The following ISOC2 variants were observed in gnomAD, a reference collection of about 807,000 sequenced individuals.
The protein encoded by ISOC2 is isochorismatase domain-containing protein 2.
In ISOC2, 15 loss-of-function variants were observed where a neutral mutation model predicts 19.3. That is an observed-to-expected ratio of 0.78 (90% CI 0.52 to 1.20). ISOC2 has a LOEUF of 1.20. Among genes scored for constraint, ISOC2 ranks in the 50% most tolerant of loss-of-function variants. The probability of loss-of-function intolerance (pLI) is 0.00; values close to 1 mark genes in which losing one functional copy is unlikely to be tolerated. For missense variants in ISOC2, 285 were observed against 272.4 expected (o/e 1.05, Z -0.33); for synonymous variants, 106 against 115.8 (o/e 0.92, Z 0.54).
intron 1 of ISOC2, among the ~76,000 whole-genome samples, chr19:55,460,391 G>T (rs1380563907): frequency 2.6e-5 from 4 of 152,206 alleles, no homozygotes; most frequent in African/African-American, 7.2e-5. Flanking sequence ...AGCAAGAAAC[G>T]GGAGACTCAG....
At chr19:55,460,353 T>C (rs1278079813) in intron 1 of ISOC2, among the ~76,000 whole-genome samples, 1 of 152,236 alleles carries the variant, frequency 6.6e-6, no homozygotes, top group East Asian at 1.9e-4. Flanking sequence ...GTGTTGCCTA[T>C]ATCTATATCT....
rs1478580101 is a variant in ISOC2, at chr19:55,456,331, G to C, written c.138+18C>G. 6.2e-7 allele frequency: 1 copy of C among 1,611,086 alleles called. No individual in the cohort carries two copies. The highest frequency in any genetic ancestry group is 8.5e-7 in the Non-Finnish European group (1 of 1,177,600). On this transcript the variant is annotated intron_variant, in intron 2 of 5. Transcript: ENST00000425675. ...GAGCCTGGATCCTGGGTCTGAGGGT[G>C]GGGGGCTGAGGTCATACCTTGAGCA...
Position 55,454,996 on chromosome 19 carries a change from A to T in ISOC2, c.530T>A (p.Phe177Tyr), listed in dbSNP as rs559283305. 8.7e-6 allele frequency: 14 copies of T among 1,612,394 alleles called. No homozygotes were observed. In the South Asian group the frequency reaches 1.5e-4, roughly 18 times the overall value. Residue 177 changes from phenylalanine to tyrosine, a missense_variant, in exon 5 of 6, where the codon TTC becomes TAC. Coordinates refer to ENST00000425675, the MANE Select transcript of ISOC2 (RefSeq NM_001136201.2). Reference sequence around the variant, plus strand: ...CGGCCAGGCGGGCATTACCTCCTTGAACTGGGGGTGGACGGCATCGCCCAC... The same window carrying T: ...CGGCCAGGCGGGCATTACCTCCTTGTACTGGGGGTGGACGGCATCGCCCAC... ...QLVGDAVHPQ[F>Y]KEIQKLIKEP...
In ISOC2 at chr19:55,455,690, C is replaced by T. The variant is rs756128918; in HGVS notation, c.294G>A (p.Arg98=). The T allele has an allele frequency of 1.1e-5, 17 of 1,610,666 alleles. No individual in the cohort carries two copies. Among genetic ancestry groups the T allele is most frequent in the Non-Finnish European group, 1.3e-5 (15 of 1,178,568 alleles). ...VPALQQELDS[R]PQLRSVLLCG... is the part of the protein sequence containing the mutation. Reference sequence around the variant, plus strand: ...AGAGCAGCACAGAGCGCAGCTGGGGCCGACTGTCCAGCTCCTGCTGCAGGG... The same window carrying T: ...AGAGCAGCACAGAGCGCAGCTGGGGTCGACTGTCCAGCTCCTGCTGCAGGG... Residue 98 remains arginine, a synonymous_variant, in exon 3 of 6, where the codon CGG becomes CGA. Coordinates refer to ENST00000425675, the MANE Select transcript of ISOC2 (RefSeq NM_001136201.2).
chr19:55,455,137 G>A (rs943516032), intron 4 of ISOC2, 31 bp from the exon 5 acceptor site: 2 of 1,584,664 alleles, frequency 1.3e-6, no homozygotes, highest in African/African-American at 1.3e-5. Context: ...GGGAAGGTTG[G>A]TGTGGACGCC....
intron 1 of ISOC2, among the ~76,000 whole-genome samples, chr19:55,460,951 G>A (rs1208038778): frequency 1.3e-5 from 2 of 152,144 alleles, no homozygotes; most frequent in Admixed American, 6.6e-5. Flanking sequence ...CGAGGGGCAT[G>A]ATCTGAAGAT....
intron 1 of ISOC2, among the ~76,000 whole-genome samples, chr19:55,458,249 C>T (rs1245230219): frequency 6.6e-6 from 1 of 152,164 alleles, no homozygotes; most frequent in Non-Finnish European, 1.5e-5. Context: ...GCTGTCAGAG[C>T]GTCTACACCG....
chr19:55,456,757 C>T (rs982707942), intron 1 of ISOC2, among the ~76,000 whole-genome samples: 2 of 152,178 alleles, frequency 1.3e-5, no homozygotes, highest in African/African-American at 4.8e-5. Context: ...CTCCTGGTCC[C>T]TGTGTTCTCC....
At position 55,461,577 on chromosome 19, in the gene ISOC2, C is replaced by G. The variant is rs999673738; in HGVS notation, c.-69G>C. ...AGGTGAGGCGGGGGCACCCTCACCT[C>G]TCGGCTCTCGGACGGCCACCGCTGA... On this transcript the variant is annotated 5_prime_UTR_variant, in exon 1 of 6. Coordinates refer to ENST00000425675, the MANE Select transcript of ISOC2 (RefSeq NM_001136201.2). 6.6e-6 allele frequency: 1 copy of G among 152,336 alleles called. No individual in the cohort carries two copies. The highest frequency in any genetic ancestry group is 1.5e-5 in the Non-Finnish European group (1 of 68,136). 9.4% of individuals were successfully genotyped at this position (152,336 alleles called of 1,614,324 possible).
At chr19:55,455,927 G>A (rs544515875) in intron 2 of ISOC2, 82 bp from the exon 3 acceptor site, 2 of 1,270,046 alleles carry the variant, frequency 1.6e-6, no homozygotes, top group Non-Finnish European at 2.2e-6. Context: ...GGGAGGAGGG[G>A]CTGGGCCTGG....
chr19:55,460,430 G>A (rs1200952223), intron 1 of ISOC2, among the ~76,000 whole-genome samples: 2 of 152,212 alleles, frequency 1.3e-5, no homozygotes, highest in East Asian at 3.8e-4. Context: ...GGGGAAGTCT[G>A]TAGGAGCCTT....
intron 1 of ISOC2, chr19:55,456,977 CT>C (rs200990457): frequency 2.0e-5 from 3 of 147,792 alleles, no homozygotes; most frequent in African/African-American, 8.0e-5. Context: ...GCCCCGGTTA[CT>C]GTCAGCCCTG....
chr19:55,457,464 G>T (rs1272314391), intron 1 of ISOC2, among the ~76,000 whole-genome samples: 1 of 150,958 alleles, frequency 6.6e-6, no homozygotes. Context: ...AAGCCCAGGA[G>T]GCAGAGGTTG....
intron 1 of ISOC2, chr19:55,459,773 G>A (rs952323199): frequency 1.4e-4 from 21 of 151,452 alleles, no homozygotes; most frequent in African/African-American, 1.9e-4. Flanking sequence ...CTGGACACCC[G>A]GGCCCCAAGG....
At position 55,453,772 on chromosome 19, in the gene ISOC2, G is replaced by C. The variant is rs150404923; in HGVS notation, c.538-384C>G. 8.0e-3 allele frequency: 1,268 copies of C among 159,034 alleles called. 14 individuals carry two copies. Among genetic ancestry groups the C allele is most frequent in the African/African-American group, 0.029 (1,189 of 41,696 alleles). The allele number at this position is 159,034 out of a possible 1,614,324, so 9.9% of individuals were successfully genotyped here. A position where few individuals can be genotyped will look rare whatever the true frequency, so the allele number is the denominator to read the frequency against. ...GACTCATCTATCTAACTGCCTCTTA[G>C]ATAGACATGAGCAACCAACCGCATT... On this transcript the variant is annotated intron_variant, in intron 5 of 5. Coordinates refer to ENST00000425675, the MANE Select transcript of ISOC2 (RefSeq NM_001136201.2).
At chr19:55,456,629 G>A (rs867508401) in intron 1 of ISOC2, 140 bp from the exon 2 acceptor site, 2 of 1,091,888 alleles carry the variant, frequency 1.8e-6, no homozygotes, top group African/African-American at 3.2e-5. Flanking sequence ...AGGTCTCTGT[G>A]TCTGCTGTTC....
Position 55,453,228 on chromosome 19 carries a change from G to GA in ISOC2, c.*79dup. The GA allele has an allele frequency of 9.6e-7, 1 of 1,039,936 alleles. No individual in the cohort carries two copies. The allele number at this position is 1,039,936 out of a possible 1,614,324, so 64.4% of individuals were successfully genotyped here. A position where few individuals can be genotyped will look rare whatever the true frequency, so the allele number is the denominator to read the frequency against. On this transcript the variant is annotated 3_prime_UTR_variant, in exon 6 of 6. Coordinates refer to ENST00000425675, the MANE Select transcript of ISOC2 (RefSeq NM_001136201.2). ...TCCTGGTGGATCGCACCACTCTTGG[G>GA]ATCCAGGGATGGGGGGAACGGGCTT... is the stretch of plus-strand genomic sequence containing the variant.
Position 55,455,717 on chromosome 19 carries a change from A to G in ISOC2, c.267T>C (p.Pro89=), listed in dbSNP as rs750581169. The change falls in exon 3 of 6, where the codon CCT becomes CCC. Residue 89 remains proline (P), a synonymous_variant. Transcript: ENST00000425675. ...PLAKTCFSMV[P]ALQQELDSRP... is the part of the protein sequence containing the mutation. ...GACTGTCCAGCTCCTGCTGCAGGGC[A>G]GGCACCATGCTGAAGCAGGTCTTGG... 6.2e-7 allele frequency: 1 copy of G among 1,611,216 alleles called. No individual in the cohort carries two copies. Among genetic ancestry groups the G allele is most frequent in the Non-Finnish European group, 8.5e-7 (1 of 1,179,274 alleles).
intron 3 of ISOC2, 44 bp from the exon 4 acceptor site, chr19:55,455,374 G>A (rs1184891031): frequency 6.2e-7 from 1 of 1,611,772 alleles, no homozygotes; most frequent in East Asian, 2.2e-5. Context: ...ATAAGAACGG[G>A]GGTCCTGGGT....
Sources: allele counts gnomAD v4.1 joint callset (sites outside exome capture counted in the v4.1 genomes callset), GRCh38; gene constraint gnomAD v4.1.1; transcripts MANE v1.5; gene names NCBI Gene and HGNC (gene_info 2026-07-23, HGNC 2026-07-21).